The following MDGA1 variants were observed in gnomAD, a reference collection of about 807,000 sequenced individuals.
MDGA1 encodes the protein MAM domain containing glycosylphosphatidylinositol anchor 1.
A neutral mutation model predicts 101.5 loss-of-function variants in MDGA1; 54 were observed. The observed-to-expected ratio is 0.53, with a 90% CI of 0.43 to 0.67. The LOEUF is 0.67. Ranked by LOEUF, MDGA1 falls within the 30% of genes least tolerant of loss-of-function variation. The pLI, the probability that MDGA1 is intolerant of heterozygous loss-of-function variation, is 0.00. For missense variants in MDGA1, 1,083 were observed against 1,323.8 expected, an observed-to-expected ratio of 0.82 and a Z score of 2.82; for synonymous variants, 533 against 558.3, an observed-to-expected ratio of 0.95 and a Z score of 0.64.
chr6:37,682,170 C>T (rs563078345), intron 1 of MDGA1, among the ~76,000 whole-genome samples: 1 of 152,302 alleles, frequency 6.6e-6, no homozygotes, highest in South Asian at 2.1e-4. Context: ...CACCTCTGGC[C>T]GTTGGTTTCT....
chr6:37,673,079 C>G (rs1761904274), intron 1 of MDGA1, among the ~76,000 whole-genome samples: 1 of 152,134 alleles, frequency 6.6e-6, no homozygotes. Flanking sequence ...ATGGTTCGGA[C>G]TTTTCAGATG....
rs1409978518 is a variant in MDGA1, at chr6:37,635,894, C to A, written c.*1474G>T. ...TCACTCAGGAAGGTGGACACACACG[C>A]TGACGTACACGGACATTCATAGAAA... is the stretch of plus-strand genomic sequence containing the variant. On this transcript the variant is annotated 3_prime_UTR_variant, in exon 17 of 17. Transcript: ENST00000434837. The A allele has an allele frequency of 4.5e-5, 18 of 397,848 alleles. No individual in the cohort carries two copies. Among genetic ancestry groups the A allele is most frequent in the Middle Eastern group, 1.3e-3 (2 of 1,586 alleles). 24.6% of individuals were successfully genotyped at this position (397,848 alleles called of 1,614,324 possible). A position where few individuals can be genotyped will look rare whatever the true frequency, so the allele number is the denominator to read the frequency against.
chr6:37,690,752 G>A (rs1001283573), intron 1 of MDGA1, among the ~76,000 whole-genome samples: 2 of 147,280 alleles, frequency 1.4e-5, no homozygotes, highest in African/African-American at 5.2e-5. Context: ...ACTCCAGCCT[G>A]GGTAACCGAG....
At position 37,663,974 on chromosome 6, in the gene MDGA1, C is replaced by A. The variant is rs771400570; in HGVS notation, c.200G>T (p.Arg67Leu). ...MLQCLVTGHP[R>L]PQVRWTKTAG... ...GCTGGGCTGGGGGCTTACCTGGGGT[C>A]GAGGGTGCCCTGTTACAAGGCACTG... The change falls in exon 2 of 17, where the codon CGA (arginine) becomes CTA (leucine). Residue 67 changes from arginine (R) to leucine (L), a missense_variant. Physicochemically the swap from Arg to Leu is moderately radical, Grantham distance 102. Transcript: ENST00000434837. The A allele has an allele frequency of 1.9e-6, 3 of 1,613,772 alleles. No homozygotes were observed. Among genetic ancestry groups the A allele is most frequent in the Non-Finnish European group, 2.5e-6 (3 of 1,179,770 alleles).
At chr6:37,643,718 A>T in intron 14 of MDGA1, 91 bp downstream of exon 14, 1 of 1,550,002 alleles carries the variant, frequency 6.5e-7, no homozygotes. Context: ...CTGAGGCCTC[A>T]CATGGGCCAG....
In MDGA1 at chr6:37,650,230, G is replaced by A. The variant is rs199743890; in HGVS notation, c.1488C>T (p.Asp496=). The A allele has an allele frequency of 2.5e-5, 41 of 1,611,074 alleles. No homozygotes were observed. The East Asian group carries it at 8.9e-4, about 35-fold the overall frequency. Residue 496 remains aspartate (D), a synonymous_variant, in exon 8 of 17, where the codon GAC becomes GAT. Coordinates refer to ENST00000434837, the MANE Select transcript of MDGA1 (RefSeq NM_153487.4). ...PSGLPLEETP[D]GKLRLERVSR... ...TCACTCGCTCCAGCCGCAGCTTCCC[G>A]TCCGGAGTCTCCTCCAGGGGCAGCC...
chr6:37,666,359 C>CAA lies in MDGA1; in HGVS notation c.68-2255_68-2254dup, dbSNP rs34277023. Among the ~76,000 whole-genome samples, 389 of 99,856 alleles carry CAA rather than the reference C, an allele frequency of 3.9e-3. 2 individuals carry two copies. Among genetic ancestry groups the CAA allele is most frequent in the African/African-American group, 0.012 (356 of 29,678 alleles). 65.5% of individuals were successfully genotyped at this position (99,856 alleles called of 152,430 possible). ...TGGGCCACAGAGGGACACTCCGTCT[C>CAA]AAAAAAAAAAAAAAAGAAAAGAAAA... On this transcript the variant is annotated intron_variant, in intron 1 of 16. Coordinates refer to ENST00000434837, the MANE Select transcript of MDGA1 (RefSeq NM_153487.4).
In MDGA1 at chr6:37,696,946, C is replaced by T. The variant is rs2127326243; in HGVS notation, c.-135G>A. 1 of 735,898 alleles carries T rather than the reference C, an allele frequency of 1.4e-6. No homozygotes were observed. Among genetic ancestry groups the T allele is most frequent in the Admixed American group, 2.4e-5 (1 of 42,398 alleles). 45.6% of individuals were successfully genotyped at this position (735,898 alleles called of 1,614,324 possible). A position where few individuals can be genotyped will look rare whatever the true frequency, so the allele number is the denominator to read the frequency against. ...GTGAGAGAGAGAGCGGCGACGAAGACCAGGAGACTGAAGAGGCGGAGGTGG... is the reference window on the plus strand; with the variant it reads ...GTGAGAGAGAGAGCGGCGACGAAGATCAGGAGACTGAAGAGGCGGAGGTGG... On this transcript the variant is annotated 5_prime_UTR_variant, in exon 1 of 17. Coordinates refer to ENST00000434837, the MANE Select transcript of MDGA1 (RefSeq NM_153487.4). The surrounding 1 kb of genome is among the most constrained non-coding windows in gnomAD (Gnocchi z 5.6).
intron 6 of MDGA1, 32 bp downstream of exon 6, chr6:37,654,242 A>C (rs911934259): frequency 6.6e-7 from 1 of 1,512,406 alleles, no homozygotes; most frequent in Non-Finnish European, 8.8e-7. Context: ...CTGCCTCACA[A>C]CTTCCCTCCC....
At chr6:37,641,963 C>T (rs1306620717) in intron 14 of MDGA1, 1 of 152,122 alleles carries the variant, frequency 6.6e-6, no homozygotes, top group Non-Finnish European at 1.5e-5. Context: ...GAAACTTCTC[C>T]ACGATGAGCC....
rs1561847864 is a variant in MDGA1 at position 37,655,762 on chromosome 6, A to T, written c.517T>A (p.Ser173Thr). The T allele has an allele frequency of 6.2e-7, 1 of 1,613,378 alleles. No homozygotes were observed. ...TCCTGGCTGTGGGATAGGGTATCGG[A>T]ACCCCGCTTCCAGATGAAGCGGGCA... ...PPARFIWKRG[S>T]DTLSHSQDNG... Residue 173 changes from serine to threonine, a missense_variant, in exon 4 of 17, where the codon TCC (serine) becomes ACC (threonine). Around this residue, in one of 3 missense-constraint regions of MDGA1, gnomAD observed 310 missense variants for 355.9 expected, o/e 0.87. Transcript: ENST00000434837. This position sits in a 1 kb window ranked among gnomAD's most constrained non-coding sequence, Gnocchi z 5.1.
chr6:37,669,921 A>G (rs1279990976), intron 1 of MDGA1, among the ~76,000 whole-genome samples: 1 of 152,234 alleles, frequency 6.6e-6, no homozygotes, highest in Non-Finnish European at 1.5e-5. Context: ...GGGTGATTTC[A>G]GAGTGTTAAA....
chr6:37,636,509 G>C lies in MDGA1; in HGVS notation c.*859C>G, dbSNP rs1446151072. 1 of 152,220 alleles carries C rather than the reference G, an allele frequency of 6.6e-6. No homozygotes were observed. The highest frequency in any genetic ancestry group is 1.5e-5 in the Non-Finnish European group (1 of 68,056). 9.4% of individuals were successfully genotyped at this position (152,220 alleles called of 1,614,324 possible). A position where few individuals can be genotyped will look rare whatever the true frequency, so the allele number is the denominator to read the frequency against. ...AAGTCAAGCCTCACCCCAGAAAATG[G>C]GCTGGCCACCGCTCCCCCAGCTCCT... On this transcript the variant is annotated 3_prime_UTR_variant, in exon 17 of 17. Transcript: ENST00000434837.
At chr6:37,662,245 G>C (rs369042788) in intron 2 of MDGA1, among the ~76,000 whole-genome samples, 1 of 151,696 alleles carries the variant, frequency 6.6e-6, no homozygotes, top group Non-Finnish European at 1.5e-5. Flanking sequence ...CGGTCCAAGC[G>C]ACAGGACTGA....
chr6:37,659,421 CTAT>C (rs778346760), intron 2 of MDGA1, among the ~76,000 whole-genome samples: 162 of 152,292 alleles, frequency 1.1e-3, no homozygotes, highest in Non-Finnish European at 1.5e-3. Context: ...CAACAAATTT[CTAT>C]TATTATTAAT....
chr6:37,650,196 T>G lies in MDGA1; in HGVS notation c.1522A>C (p.Met508Leu), dbSNP rs766226287. The G allele has an allele frequency of 3.1e-6, 5 of 1,613,102 alleles. No homozygotes were observed. Among genetic ancestry groups the G allele is most frequent in the South Asian group, 2.2e-5 (2 of 91,026 alleles). ...GTCTGGCAGCGGTAGGTCCCGCTCA[T>G]GTCTCGGCTCACTCGCTCCAGCCGC... ...KLRLERVSRD[M>L]SGTYRCQTAR... is the part of the protein sequence containing the mutation. The change falls in exon 8 of 17, where the codon ATG becomes CTG. Residue 508 changes from methionine (M) to leucine (L), a missense_variant. Physicochemically the swap from Met to Leu is conservative, Grantham distance 15 (BLOSUM62 2). Around this residue, in one of 3 missense-constraint regions of MDGA1, gnomAD observed 657 missense variants for 771.4 expected, o/e 0.85. Coordinates refer to ENST00000434837, the MANE Select transcript of MDGA1 (RefSeq NM_153487.4).
Position 37,632,694 on chromosome 6 carries a change from C to T in MDGA1, c.*4674G>A, listed in dbSNP as rs114730238. The T allele has an allele frequency of 6.6e-6, 1 of 152,652 alleles. No homozygotes were observed. Among genetic ancestry groups the T allele is most frequent in the African/African-American group, 2.4e-5 (1 of 41,516 alleles). The allele number at this position is 152,652 out of a possible 1,614,324, so 9.5% of individuals were successfully genotyped here. A position where few individuals can be genotyped will look rare whatever the true frequency, so the allele number is the denominator to read the frequency against. ...TAAAAAAACAACCCCAATCATTTCACCCATTAATAAGGGGGTCTCCTGTTG... is the reference window on the plus strand; with the variant it reads ...TAAAAAAACAACCCCAATCATTTCATCCATTAATAAGGGGGTCTCCTGTTG... On this transcript the variant is annotated 3_prime_UTR_variant, in exon 17 of 17. Coordinates refer to ENST00000434837, the MANE Select transcript of MDGA1 (RefSeq NM_153487.4).
chr6:37,687,430 A>T (rs1762219816), intron 1 of MDGA1, among the ~76,000 whole-genome samples: 1 of 149,296 alleles, frequency 6.7e-6, no homozygotes, highest in Admixed American at 6.7e-5. Flanking sequence ...TTAGCCGGGC[A>T]TGGTGGTGTA....
intron 7 of MDGA1, among the ~76,000 whole-genome samples, chr6:37,650,771 C>G (rs562187422): frequency 2.0e-5 from 3 of 152,342 alleles, no homozygotes; most frequent in Non-Finnish European, 4.4e-5. Flanking sequence ...TTCATCTTCT[C>G]TTGCCCTAGT....
Sources: gnomAD v4.1 joint callset for allele counts (sites outside exome capture counted in the v4.1 genomes callset) on GRCh38, gnomAD v4.1.1 for gene constraint, gnomAD v4.1.1 regional missense constraint, Gnocchi (gnomAD v3.1) non-coding constraint, MANE v1.5 for transcripts, NCBI Gene and HGNC (gene_info 2026-07-23, HGNC 2026-07-21) for gene names.